The following C1QTNF7 variants were observed in gnomAD, a reference collection of about 807,000 sequenced individuals.
C1QTNF7 encodes C1q and TNF related 7.
In C1QTNF7, 15 loss-of-function variants were observed where a neutral mutation model predicts 19.6. The observed-to-expected ratio is 0.76, with a 90% confidence interval of 0.51 to 1.18. C1QTNF7 has a LOEUF of 1.18. Ranked by LOEUF, C1QTNF7 falls within the 50% of genes most tolerant of loss-of-function variation. C1QTNF7 has a pLI of 0.00. For synonymous variants in C1QTNF7, 142 were observed against 137.5 expected, an observed-to-expected ratio of 1.03 and a Z score of -0.23; for missense variants, 324 against 359.7, an observed-to-expected ratio of 0.90 and a Z score of 0.80.
intron 1 of C1QTNF7, among the ~76,000 whole-genome samples, chr4:15,348,856 T>G (rs1269438765): frequency 6.6e-6 from 1 of 152,196 alleles, no homozygotes; most frequent in Non-Finnish European, 1.5e-5. Flanking sequence ...CTCAAGAGTC[T>G]TTGTCATTCA....
rs191966817 is a variant in C1QTNF7, at chr4:15,389,979, G to C, written c.14-45757G>C. On this transcript the variant is annotated intron_variant, in intron 1 of 2. Coordinates refer to the C1QTNF7 transcript ENST00000295297. Reference sequence around the variant, plus strand: ...GTCTGTGATGTGAGAGAGGTCCTTTGATATTATGAAGATTATGGACTCTCT... The same window carrying C: ...GTCTGTGATGTGAGAGAGGTCCTTTCATATTATGAAGATTATGGACTCTCT... Among the ~76,000 whole-genome samples, 279 of 152,236 alleles carry C rather than the reference G, an allele frequency of 1.8e-3. 1 individual carries two copies. Among genetic ancestry groups the C allele is most frequent in the African/African-American group, 6.4e-3 (266 of 41,520 alleles).
chr4:15,396,282 G>A (rs1861046), intron 1 of C1QTNF7, among the ~76,000 whole-genome samples: 16,138 of 152,180 alleles, frequency 0.11, 1,389 homozygotes, highest in African/African-American at 0.2. Flanking sequence ...ACCTCCATCA[G>A]GTTGGAGATG....
Position 15,442,934 on chromosome 4 carries a change from C to A in C1QTNF7, c.*135C>A. 1 of 934,858 alleles carries A rather than the reference C, an allele frequency of 1.1e-6. No homozygotes were observed. Among genetic ancestry groups the A allele is most frequent in the Non-Finnish European group, 1.5e-6 (1 of 656,934 alleles). 57.9% of individuals were successfully genotyped at this position (934,858 alleles called of 1,614,324 possible). A position where few individuals can be genotyped will look rare whatever the true frequency, so the allele number is the denominator to read the frequency against. On this transcript the variant is annotated 3_prime_UTR_variant, in exon 3 of 3. Coordinates refer to ENST00000444304, the MANE Select transcript of C1QTNF7 (RefSeq NM_031911.5). ...TAAAGACAATTCTAGCAGAATTTAT[C>A]AAAACAAGATGAAACACAGAAAAGT...
rs148338173 is a variant in C1QTNF7, at chr4:15,406,297, G to A, written c.14-29439G>A. 1.2e-3 allele frequency among the ~76,000 whole-genome samples: 190 copies of A among 152,298 alleles called. No homozygotes were observed. The Middle Eastern group carries it at 0.014, about 11-fold the overall frequency. ...TGAATGAGTGAGAGTATAGACCAGA[G>A]CTAAGAAGCCAGACATCAAATATCC... On this transcript the variant is annotated intron_variant, in intron 1 of 2. Coordinates refer to the C1QTNF7 transcript ENST00000295297.
chr4:15,418,310 A>G (rs533070936), intron 1 of C1QTNF7, among the ~76,000 whole-genome samples: 28 of 152,040 alleles, frequency 1.8e-4, no homozygotes, highest in Admixed American at 9.8e-4. Flanking sequence ...TAACCCTCTC[A>G]TGGAACCCCA....
rs151113183 is a variant in C1QTNF7 at position 15,340,643 on chromosome 4, T to A, written c.13+436T>A. Among the ~76,000 whole-genome samples the A allele has an allele frequency of 4.6e-5, 7 of 152,328 alleles. No individual in the cohort carries two copies. The East Asian group carries it at 1.3e-3, about 29-fold the overall frequency. On this transcript the variant is annotated intron_variant, in intron 1 of 2. Transcript: ENST00000295297. ...GTTTCCCAAGGAAGATTTTAATATC[T>A]TTCCAAAAATCCTCCTAAGTGCAGT...
chr4:15,375,879 G>T (rs80003149), intron 1 of C1QTNF7, among the ~76,000 whole-genome samples: 3,872 of 152,098 alleles, frequency 0.025, 80 homozygotes, highest in Non-Finnish European at 0.035. Context: ...AGTAATTTTG[G>T]TGTGTACTTC....
intron 1 of C1QTNF7, among the ~76,000 whole-genome samples, chr4:15,414,023 A>G (rs1046153919): frequency 5.9e-5 from 9 of 152,214 alleles, no homozygotes; most frequent in African/African-American, 1.7e-4. Flanking sequence ...AATGGGCACT[A>G]TCTTTTTGAT....
At chr4:15,436,991 T>G (rs527741086) in intron 2 of C1QTNF7, among the ~76,000 whole-genome samples, 10 of 152,220 alleles carry the variant, frequency 6.6e-5, no homozygotes, top group Non-Finnish European at 1.0e-4. Flanking sequence ...CTATGAACAT[T>G]GCACAATAAT....
At chr4:15,403,359 T>C (rs895671397) in intron 1 of C1QTNF7, among the ~76,000 whole-genome samples, 2 of 152,182 alleles carry the variant, frequency 1.3e-5, no homozygotes, top group African/African-American at 4.8e-5. Flanking sequence ...GTGGTTTACA[T>C]CAGAAATTTA....
intron 1 of C1QTNF7, among the ~76,000 whole-genome samples, chr4:15,390,212 G>T (rs1451837516): frequency 2.0e-5 from 3 of 152,182 alleles, no homozygotes; most frequent in African/African-American, 4.8e-5. Context: ...GGAAGGGTAG[G>T]CTGGAACACT....
chr4:15,439,985 A>AT, intron 2 of C1QTNF7, among the ~76,000 whole-genome samples: 1 of 149,608 alleles, frequency 6.7e-6, no homozygotes, highest in East Asian at 2.0e-4. Context: ...TCTTATATAG[A>AT]TTTTATATGT....
intron 1 of C1QTNF7, among the ~76,000 whole-genome samples, chr4:15,387,993 T>C (rs966415678): frequency 1.6e-4 from 24 of 152,150 alleles, no homozygotes; most frequent in African/African-American, 5.6e-4. Flanking sequence ...GGTGCAAGGT[T>C]GACCTTGGAC....
intron 1 of C1QTNF7, among the ~76,000 whole-genome samples, chr4:15,435,335 A>C (rs908946492): frequency 6.6e-6 from 1 of 152,164 alleles, no homozygotes; most frequent in Non-Finnish European, 1.5e-5. Flanking sequence ...TAAAATGTAA[A>C]TCTCAAGGTG....
chr4:15,382,690 T>A (rs1305693545), intron 1 of C1QTNF7, among the ~76,000 whole-genome samples: 1 of 152,196 alleles, frequency 6.6e-6, no homozygotes, highest in Non-Finnish European at 1.5e-5. Context: ...ACATGATGAA[T>A]CCCATACCCT....
chr4:15,364,863 T>G (rs1011902442), intron 1 of C1QTNF7, among the ~76,000 whole-genome samples: 1 of 152,160 alleles, frequency 6.6e-6, no homozygotes, highest in African/African-American at 2.4e-5. Context: ...ACGTTGGGTT[T>G]GAGGTATGGG....
At chr4:15,380,235 T>G (rs1225265922) in intron 1 of C1QTNF7, among the ~76,000 whole-genome samples, 1 of 152,202 alleles carries the variant, frequency 6.6e-6, no homozygotes, top group Non-Finnish European at 1.5e-5. Context: ...CAGCTAGGAT[T>G]GTATTTGTAA....
At chr4:15,388,355 GTCCATC>G (rs1718419540) in intron 1 of C1QTNF7, among the ~76,000 whole-genome samples, 1 of 152,130 alleles carries the variant, frequency 6.6e-6, no homozygotes, top group East Asian at 1.9e-4. Flanking sequence ...TTTTCCTCCC[GTCCATC>G]CAGCCAGAAT....
At chr4:15,387,950 G>A (rs1490717507) in intron 1 of C1QTNF7, among the ~76,000 whole-genome samples, 1 of 152,180 alleles carries the variant, frequency 6.6e-6, no homozygotes, top group Non-Finnish European at 1.5e-5. Context: ...TGAAGTAAGG[G>A]AGAAGAGGAG....
Sources: allele counts gnomAD v4.1 joint callset (sites outside exome capture counted in the v4.1 genomes callset), GRCh38; gene constraint gnomAD v4.1.1; transcripts MANE v1.5; gene names NCBI Gene and HGNC (gene_info 2026-07-23, HGNC 2026-07-21).